MAGI2: variants seen among roughly 807,000 people sequenced by gnomAD.
MAGI2 encodes membrane associated guanylate kinase, WW and PDZ domain containing 2, also known as membrane-associated guanylate kinase, WW and PDZ domain-containing protein 2.
Under a neutral mutation model 133.3 loss-of-function variants are expected in MAGI2, and 35 were observed. The ratio of observed to expected loss-of-function variants is 0.26; its 90% CI spans 0.20 to 0.35. The LOEUF (loss-of-function observed/expected upper bound fraction) is 0.35. MAGI2 is among the 10% of genes least tolerant of loss of function. The probability of loss-of-function intolerance (pLI) is 1.00; values close to 1 mark genes in which losing one functional copy is unlikely to be tolerated. For missense variants in MAGI2, 1,636 were observed against 1,863.4 expected, an observed-to-expected ratio of 0.88 and a Z score of 2.25; for synonymous variants, 729 against 710.6, an observed-to-expected ratio of 1.03 and a Z score of -0.41.
At chr7:78,502,566 T>C (rs1047049118) in intron 4 of MAGI2, among the ~76,000 whole-genome samples, 2 of 125,442 alleles carry the variant, frequency 1.6e-5, no homozygotes, top group Non-Finnish European at 3.6e-5. Context: ...CATAATAGTA[T>C]ATTGTTATGA....
chr7:78,033,956 G>A (rs374433296), intron 21 of MAGI2, among the ~76,000 whole-genome samples: 25 of 152,250 alleles, frequency 1.6e-4, no homozygotes, highest in Admixed American at 4.6e-4. Flanking sequence ...CAATCCCTCC[G>A]TCTTACCTAA....
intron 2 of MAGI2, among the ~76,000 whole-genome samples, chr7:78,792,446 C>T (rs954956908): frequency 6.6e-6 from 1 of 152,096 alleles, no homozygotes; most frequent in Non-Finnish European, 1.5e-5. Context: ...AGAGATTTAT[C>T]AAAAGATGAT....
At chr7:78,578,298 G>C (rs145360464) in intron 3 of MAGI2, among the ~76,000 whole-genome samples, 2 of 151,918 alleles carry the variant, frequency 1.3e-5, no homozygotes, top group South Asian at 4.2e-4. Context: ...TTGAGAGAGA[G>C]CTATGAAGAT....
At chr7:79,217,496 T>C (rs777510053) in intron 1 of MAGI2, among the ~76,000 whole-genome samples, 6 of 152,026 alleles carry the variant, frequency 3.9e-5, no homozygotes, top group African/African-American at 1.5e-4. Flanking sequence ...ACCAATGCTA[T>C]ATAGAAGGTA....
At chr7:78,473,253 A>T (rs1004493922) in intron 6 of MAGI2, among the ~76,000 whole-genome samples, 1 of 152,088 alleles carries the variant, frequency 6.6e-6, no homozygotes, top group Non-Finnish European at 1.5e-5. Flanking sequence ...CTGACCTGCA[A>T]GCTTCTTGGC....
chr7:78,584,426 A>C, intron 3 of MAGI2, among the ~76,000 whole-genome samples: 1 of 93,094 alleles, frequency 1.1e-5, no homozygotes, highest in South Asian at 4.5e-4. Context: ...TCTCAGAAAA[A>C]AAAAAAAAAA....
In MAGI2 at chr7:78,317,877, C is replaced by T. The variant is rs146751035; in HGVS notation, c.1408+25901G>A. Among the ~76,000 whole-genome samples, 662 of 152,112 alleles carry T rather than the reference C, an allele frequency of 4.4e-3. 3 individuals carry two copies. The highest frequency in any genetic ancestry group is 0.015 in the African/African-American group (641 of 41,504). On this transcript the variant is annotated intron_variant, in intron 9 of 21. Coordinates refer to ENST00000354212, the MANE Select transcript of MAGI2 (RefSeq NM_012301.4). The stretch of plus-strand genomic sequence containing the variant: ...CTGGAGTGCACCTGTAGCAGAGGGG[C>T]CTGACTGTTAGAAGGAAAACTAACA...
intron 1 of MAGI2, among the ~76,000 whole-genome samples, chr7:79,237,284 G>A (rs1000052202): frequency 6.6e-6 from 1 of 152,166 alleles, no homozygotes; most frequent in African/African-American, 2.4e-5. Flanking sequence ...CACGAGGTCA[G>A]GCGATCAAGA....
At chr7:78,640,156 C>A (rs978046237) in intron 2 of MAGI2, among the ~76,000 whole-genome samples, 1 of 152,072 alleles carries the variant, frequency 6.6e-6, no homozygotes, top group Non-Finnish European at 1.5e-5. Context: ...TACTGTATTT[C>A]CTTCCTGATT....
intron 2 of MAGI2, among the ~76,000 whole-genome samples, chr7:78,783,440 G>A (rs1257849441): frequency 2.0e-5 from 3 of 152,134 alleles, no homozygotes; most frequent in South Asian, 2.1e-4. Context: ...CAGTCTGAAG[G>A]TGTATGTGTG....
intron 21 of MAGI2, among the ~76,000 whole-genome samples, chr7:78,025,011 A>G (rs79653519): frequency 0.17 from 25,608 of 152,190 alleles, 2,261 homozygotes; most frequent in Non-Finnish European, 0.2. Flanking sequence ...TGAACACTCA[A>G]TGGATCCCCA....
Position 78,438,562 on chromosome 7 carries a change from C to T in MAGI2, c.1045+51199G>A, listed in dbSNP as rs117519717. ...GTTCCTTTATGAGCGTGCTGTTTTA[C>T]GGTGGAGATGCTAGAAGCGGGGCCA... On this transcript the variant is annotated intron_variant, in intron 6 of 21. Transcript: ENST00000354212. Among the ~76,000 whole-genome samples the T allele has an allele frequency of 5.2e-3, 786 of 152,258 alleles. 5 individuals are homozygous for T. Among genetic ancestry groups the T allele is most frequent in the Non-Finnish European group, 4.4e-3 (296 of 68,012 alleles).
intron 2 of MAGI2, chr7:79,000,359 A>G (rs1806734849): frequency 6.6e-6 from 1 of 152,180 alleles, no homozygotes; most frequent in South Asian, 2.1e-4. Context: ...AAATAATTAG[A>G]TTCATTCATA....
intron 1 of MAGI2, among the ~76,000 whole-genome samples, chr7:79,417,461 A>T (rs560592009): frequency 6.6e-6 from 1 of 152,124 alleles, no homozygotes; most frequent in African/African-American, 2.4e-5. Flanking sequence ...ATCAGAATTT[A>T]TCAGTCAGAG....
intron 1 of MAGI2, among the ~76,000 whole-genome samples, chr7:79,227,567 A>G (rs529092182): frequency 6.6e-6 from 1 of 152,228 alleles, no homozygotes; most frequent in African/African-American, 2.4e-5. Flanking sequence ...TTTTTTCAGC[A>G]CATAATACTT....
intron 21 of MAGI2, among the ~76,000 whole-genome samples, chr7:78,070,644 ATTT>A (rs376515864): frequency 0.041 from 5,522 of 134,428 alleles, 127 homozygotes; most frequent in African/African-American, 0.049. Flanking sequence ...ATATATATAT[ATTT>A]TTTTTTTTTT....
chr7:79,064,457 CT>C (rs1264982545), intron 1 of MAGI2, among the ~76,000 whole-genome samples: 1 of 152,122 alleles, frequency 6.6e-6, no homozygotes, highest in East Asian at 1.9e-4. Flanking sequence ...ACACATTTAT[CT>C]TTTTAGAAGA....
intron 1 of MAGI2, among the ~76,000 whole-genome samples, chr7:79,434,958 T>A (rs1027070735): frequency 6.6e-6 from 1 of 152,192 alleles, no homozygotes; most frequent in African/African-American, 2.4e-5. Flanking sequence ...CCTGCCTGCT[T>A]GCCTTCAAAC....
intron 9 of MAGI2, among the ~76,000 whole-genome samples, chr7:78,271,124 T>A (rs1409713695): frequency 1.3e-5 from 2 of 152,150 alleles, no homozygotes; most frequent in African/African-American, 2.4e-5. Flanking sequence ...TAGCTCTTAT[T>A]ATTTTGAGAT....
Sources: allele counts gnomAD v4.1 joint callset (sites outside exome capture counted in the v4.1 genomes callset), GRCh38; gene constraint gnomAD v4.1.1; transcripts MANE v1.5; gene names NCBI Gene and HGNC (gene_info 2026-07-23, HGNC 2026-07-21).